MARCHF10: variants seen among roughly 807,000 people sequenced by gnomAD.
MARCHF10 encodes the protein membrane associated ring-CH-type finger 10.
Under a neutral mutation model 76.2 loss-of-function variants are expected in MARCHF10, and 64 were observed. That is an observed-to-expected ratio of 0.84 (90% CI 0.69 to 1.03). The LOEUF is 1.03. Ranked by LOEUF, MARCHF10 falls within the 50% of genes least tolerant of loss-of-function variation. The pLI is 0.00. For missense variants in MARCHF10, 875 were observed against 958.0 expected, an observed-to-expected ratio of 0.91 and a Z score of 1.14; for synonymous variants, 340 against 357.5, an observed-to-expected ratio of 0.95 and a Z score of 0.55.
At chr17:62,787,106 C>G (rs949439792) in intron 3 of MARCHF10, among the ~76,000 whole-genome samples, 5 of 152,124 alleles carry the variant, frequency 3.3e-5, no homozygotes, top group African/African-American at 9.7e-5. Context: ...TAGTCTTAGA[C>G]TAACAGGAAA....
intron 6 of MARCHF10, among the ~76,000 whole-genome samples, chr17:62,728,153 T>G (rs2090850974): frequency 6.6e-6 from 1 of 152,158 alleles, no homozygotes; most frequent in African/African-American, 2.4e-5. Context: ...GCCTCCCAAG[T>G]AGCTGTGACC....
chr17:62,703,017 T>C (rs761725282), intron 10 of MARCHF10, among the ~76,000 whole-genome samples: 18 of 152,178 alleles, frequency 1.2e-4, no homozygotes, highest in Admixed American at 3.3e-4. Flanking sequence ...CTTGTCTTGG[T>C]GACACTGGGA....
intron 2 of MARCHF10, among the ~76,000 whole-genome samples, chr17:62,796,359 A>C (rs912342830): frequency 9.2e-5 from 14 of 152,212 alleles, no homozygotes; most frequent in African/African-American, 3.4e-4. Context: ...GGGATAGATT[A>C]ATAATATAAC....
intron 3 of MARCHF10, among the ~76,000 whole-genome samples, chr17:62,776,777 C>T (rs1003717420): frequency 1.3e-5 from 2 of 152,174 alleles, no homozygotes; most frequent in African/African-American, 4.8e-5. Context: ...AACTTCAGGC[C>T]GTTCTGAGTT....
rs752915895 is a variant in MARCHF10, at chr17:62,744,394, G to A, written c.517C>T (p.Pro173Ser). 1.2e-6 allele frequency: 2 copies of A among 1,613,866 alleles called. No individual in the cohort carries two copies. Among genetic ancestry groups the A allele is most frequent in the African/African-American group, 1.3e-5 (1 of 74,916 alleles). The change falls in exon 5 of 11, where the codon CCG (proline) becomes TCG (serine). Residue 173 changes from proline (P) to serine (S), a missense_variant. Coordinates refer to ENST00000311269, the MANE Select transcript of MARCHF10 (RefSeq NM_152598.4). ...RQKQQWPAKVPVPRGADQVVQ... is the reference protein window; with the variant it reads ...RQKQQWPAKVSVPRGADQVVQ... Reference sequence around the variant, plus strand: ...TCCTTACCTGCTCCCCTGGGAACCGGCACCTTTGCAGGCCACTGCTGTTTC... The same window carrying A: ...TCCTTACCTGCTCCCCTGGGAACCGACACCTTTGCAGGCCACTGCTGTTTC...
At chr17:62,718,250 G>T (rs917416973) in intron 8 of MARCHF10, among the ~76,000 whole-genome samples, 1 of 152,218 alleles carries the variant, frequency 6.6e-6, no homozygotes, top group African/African-American at 2.4e-5. Flanking sequence ...CTGGGGAAGA[G>T]AGTAGGGTTT....
intron 3 of MARCHF10, among the ~76,000 whole-genome samples, chr17:62,761,098 G>C (rs577419721): frequency 6.6e-6 from 1 of 152,298 alleles, no homozygotes; most frequent in Admixed American, 6.5e-5. Context: ...TGTGATGTAA[G>C]ACAAACTAAA....
In MARCHF10 at chr17:62,767,450, C is replaced by CCTTTTTTTTTTTTTTTTTTTTTTT. The variant is rs67106553; in HGVS notation, c.211-7445_211-7444insAAAAAAAAAAAAAAAAAAAAAAAG. On this transcript the variant is annotated intron_variant, in intron 3 of 10. Transcript: ENST00000311269. The stretch of plus-strand genomic sequence containing the variant: ...AGCTTTGAATTGGTGGGTCTGTATT[C>CCTTTTTTTTTTTTTTTTTTTTTTT]TTTTTTTTTTTTTTTTTTGAGATGG... Among the ~76,000 whole-genome samples, 2 of 134,790 alleles carry CCTTTTTTTTTTTTTTTTTTTTTTT rather than the reference C, an allele frequency of 1.5e-5. 1 individual carries two copies. The highest frequency in any genetic ancestry group is 3.1e-5 in the Non-Finnish European group (2 of 64,278). The allele number at this position is 134,790 out of a possible 152,430, so 88.4% of individuals were successfully genotyped here. A position where few individuals can be genotyped will look rare whatever the true frequency, so the allele number is the denominator to read the frequency against.
At chr17:62,780,927 G>A (rs932745988) in intron 3 of MARCHF10, 8 of 152,078 alleles carry the variant, frequency 5.3e-5, no homozygotes, top group Admixed American at 1.3e-4. Context: ...GAAGGTTCGT[G>A]GGGACAAAAT....
At chr17:62,798,596 G>A (rs1331792397) in intron 2 of MARCHF10, among the ~76,000 whole-genome samples, 2 of 152,116 alleles carry the variant, frequency 1.3e-5, no homozygotes, top group Non-Finnish European at 1.5e-5. Flanking sequence ...GGAGAGGAGA[G>A]CGGAGGTGAT....
chr17:62,739,165 G>A (rs2091409939), intron 5 of MARCHF10, among the ~76,000 whole-genome samples: 1 of 152,024 alleles, frequency 6.6e-6, no homozygotes, highest in Admixed American at 6.6e-5. Flanking sequence ...CGGGTGCTGT[G>A]GTGTGTACCT....
intron 2 of MARCHF10, among the ~76,000 whole-genome samples, chr17:62,797,436 C>T (rs1203972140): frequency 2.0e-5 from 3 of 152,166 alleles, no homozygotes; most frequent in African/African-American, 7.2e-5. Flanking sequence ...GAACTCCTGA[C>T]CTTGTGATCT....
intron 2 of MARCHF10, among the ~76,000 whole-genome samples, chr17:62,799,823 C>T (rs2093043514): frequency 1.3e-5 from 2 of 152,102 alleles, no homozygotes; most frequent in Admixed American, 1.3e-4. Flanking sequence ...TCCGTACTTT[C>T]CCTGGGTTCA....
Position 62,790,187 on chromosome 17 carries a change from T to TC in MARCHF10, c.91-1589dup, listed in dbSNP as rs927345309. 4.6e-5 allele frequency among the ~76,000 whole-genome samples: 7 copies of TC among 151,998 alleles called. No individual in the cohort carries two copies. The East Asian group carries it at 5.8e-4, about 13-fold the overall frequency. On this transcript the variant is annotated intron_variant, in intron 2 of 10. Transcript: ENST00000311269. ...CTCAAAATAGTAAAAGTTTTTTTTT[T>TC]CCCCCCAAGATGGAGTCTCGCTCTG...
At chr17:62,720,860 ATTTTTTTTTTTT>A (rs56688878) in intron 8 of MARCHF10, among the ~76,000 whole-genome samples, 1 of 87,992 alleles carries the variant, frequency 1.1e-5, no homozygotes, top group Non-Finnish European at 2.2e-5. Flanking sequence ...GTAAGTTGTG[ATTTTTTTTTTTT>A]TTTTTTTTTT....
At chr17:62,765,033 G>T (rs572621572) in intron 3 of MARCHF10, among the ~76,000 whole-genome samples, 48 of 152,148 alleles carry the variant, frequency 3.2e-4, no homozygotes, top group African/African-American at 1.2e-3. Flanking sequence ...ACATGCCCTT[G>T]GTCTCCATTT....
At chr17:62,790,886 A>C (rs895826081) in intron 2 of MARCHF10, among the ~76,000 whole-genome samples, 2 of 152,252 alleles carry the variant, frequency 1.3e-5, no homozygotes, top group Admixed American at 1.3e-4. Flanking sequence ...TCATCACAGC[A>C]GCCAAGTGGT....
intron 3 of MARCHF10, among the ~76,000 whole-genome samples, chr17:62,765,728 T>C (rs983930308): frequency 6.6e-6 from 1 of 152,148 alleles, no homozygotes; most frequent in East Asian, 1.9e-4. Context: ...TGCCAGGCAA[T>C]CCTTTGTGTG....
Position 62,701,468 on chromosome 17 carries a change from G to T in MARCHF10, c.*235C>A. On this transcript the variant is annotated 3_prime_UTR_variant, in exon 11 of 11. Transcript: ENST00000311269. ...GGGCAGCACCAGGCCAGCCTGCCAGGGGCTCCACAGTCCCACGCTGCTTGA... is the reference window on the plus strand; with the variant it reads ...GGGCAGCACCAGGCCAGCCTGCCAGTGGCTCCACAGTCCCACGCTGCTTGA... 1 of 957,772 alleles carries T rather than the reference G, an allele frequency of 1.0e-6. No homozygotes were observed. Among genetic ancestry groups the T allele is most frequent in the Non-Finnish European group, 1.5e-6 (1 of 674,930 alleles). 59.3% of individuals were successfully genotyped at this position (957,772 alleles called of 1,614,324 possible).
Sources: allele counts gnomAD v4.1 joint callset (sites outside exome capture counted in the v4.1 genomes callset), GRCh38; gene constraint gnomAD v4.1.1; transcripts MANE v1.5; gene names NCBI Gene and HGNC (gene_info 2026-07-23, HGNC 2026-07-21).